SLC35F4: variants seen among roughly 807,000 people sequenced by gnomAD.
The protein encoded by SLC35F4 is solute carrier family 35 member F4.
A neutral mutation model predicts 44.2 loss-of-function variants in SLC35F4; 24 were observed. The observed-to-expected ratio is 0.54, with a 90% CI of 0.39 to 0.76. The LOEUF (loss-of-function observed/expected upper bound fraction) is 0.76. Among genes scored for constraint, SLC35F4 ranks in the 30% least tolerant of loss-of-function variants. The pLI is 0.00. For missense variants in SLC35F4, 562 were observed against 586.1 expected (o/e 0.96, Z 0.42); for synonymous variants, 238 against 223.6 (o/e 1.06, Z -0.57).
chr14:57,880,757 T>C (rs1248708983), intron 1 of SLC35F4, among the ~76,000 whole-genome samples: 1 of 152,190 alleles, frequency 6.6e-6, no homozygotes, highest in Non-Finnish European at 1.5e-5. Context: ...ATTACCTTGG[T>C]GTTTCTCTGT....
intron 1 of SLC35F4, among the ~76,000 whole-genome samples, chr14:57,962,943 A>T (rs1376289258): frequency 6.6e-6 from 1 of 152,036 alleles, no homozygotes; most frequent in Non-Finnish European, 1.5e-5. Flanking sequence ...TGAACAAAGC[A>T]GAGTCTTTTT....
intron 1 of SLC35F4, among the ~76,000 whole-genome samples, chr14:57,838,465 T>C (rs1885162007): frequency 1.3e-5 from 2 of 152,192 alleles, no homozygotes; most frequent in Non-Finnish European, 2.9e-5. Flanking sequence ...GTCAAAAAAA[T>C]ATATACAGTC....
intron 1 of SLC35F4, among the ~76,000 whole-genome samples, chr14:57,977,538 G>C (rs1028624450): frequency 2.0e-5 from 3 of 152,172 alleles, no homozygotes; most frequent in Non-Finnish European, 4.4e-5. Context: ...ATGGTCACCT[G>C]AGTGCAGCTG....
chr14:57,944,087 A>T (rs139393968), intron 1 of SLC35F4, among the ~76,000 whole-genome samples: 1 of 152,074 alleles, frequency 6.6e-6, no homozygotes, highest in African/African-American at 2.4e-5. Flanking sequence ...GCTCCACACC[A>T]ATTTCTGTCA....
At chr14:57,814,207 A>G (rs898076336) in intron 1 of SLC35F4, among the ~76,000 whole-genome samples, 2 of 152,340 alleles carry the variant, frequency 1.3e-5, no homozygotes, top group African/African-American at 4.8e-5. Flanking sequence ...CTTTTCACAT[A>G]GTAGGCCATC....
chr14:57,747,216 G>A (rs1189330744), intron 1 of SLC35F4, among the ~76,000 whole-genome samples: 4 of 152,132 alleles, frequency 2.6e-5, no homozygotes, highest in African/African-American at 4.8e-5. Context: ...AAAAAGACTC[G>A]AGTCATAAAG....
At chr14:57,954,649 C>G (rs975954174) in intron 1 of SLC35F4, among the ~76,000 whole-genome samples, 3 of 152,136 alleles carry the variant, frequency 2.0e-5, no homozygotes, top group African/African-American at 7.2e-5. Flanking sequence ...ATAAACACCT[C>G]CATGCAAATA....
chr14:57,837,486 G>A (rs954245078), intron 1 of SLC35F4: 2 of 152,174 alleles, frequency 1.3e-5, no homozygotes, highest in Non-Finnish European at 2.9e-5. Context: ...CTTTGACCAA[G>A]GGTAGACCTC....
intron 1 of SLC35F4, among the ~76,000 whole-genome samples, chr14:57,814,251 T>C (rs2140893777): frequency 6.6e-6 from 1 of 152,248 alleles, no homozygotes; most frequent in East Asian, 1.9e-4. Context: ...TAAACATATT[T>C]AATAAAGATT....
chr14:57,824,698 G>A (rs554687144), intron 1 of SLC35F4, among the ~76,000 whole-genome samples: 5 of 152,240 alleles, frequency 3.3e-5, no homozygotes, highest in African/African-American at 9.6e-5. Context: ...CTATTGCAAA[G>A]GTTCTGAACT....
chr14:57,596,621 A>C, intron 1 of SLC35F4: 2 of 484,292 alleles, frequency 4.1e-6, no homozygotes, highest in Non-Finnish European at 8.2e-6. Context: ...TCAAAAGGAG[A>C]AAGTCTAGAA....
chr14:57,818,639 T>C (rs1286166296), intron 1 of SLC35F4, among the ~76,000 whole-genome samples: 2 of 152,140 alleles, frequency 1.3e-5, no homozygotes, highest in Non-Finnish European at 2.9e-5. Flanking sequence ...GTCCAACAGG[T>C]ATTAAAAAAT....
chr14:57,576,852 G>C (rs1225223603), intron 4 of SLC35F4, among the ~76,000 whole-genome samples: 1 of 152,192 alleles, frequency 6.6e-6, no homozygotes, highest in Non-Finnish European at 1.5e-5. Context: ...CGAAGAAAGA[G>C]TGAAGGATAT....
intron 1 of SLC35F4, among the ~76,000 whole-genome samples, chr14:57,923,479 C>G (rs1889482955): frequency 6.6e-6 from 1 of 152,204 alleles, no homozygotes; most frequent in Non-Finnish European, 1.5e-5. Context: ...ATATCCCTAG[C>G]TCCTGGAAAT....
intron 1 of SLC35F4, among the ~76,000 whole-genome samples, chr14:57,879,298 C>T (rs1050753785): frequency 3.4e-4 from 51 of 152,040 alleles, no homozygotes; most frequent in African/African-American, 1.1e-3. Context: ...CTGCCTTTGT[C>T]GCTAAATACA....
At chr14:57,937,652 A>G (rs868053874) in intron 1 of SLC35F4, among the ~76,000 whole-genome samples, 21 of 130,492 alleles carry the variant, frequency 1.6e-4, no homozygotes, top group Non-Finnish European at 2.4e-4. Flanking sequence ...AAAGAAAAGA[A>G]AAAAGAAAAG....
chr14:57,824,582 G>GT (rs1414253241), intron 1 of SLC35F4, among the ~76,000 whole-genome samples: 1 of 152,124 alleles, frequency 6.6e-6, no homozygotes, highest in Admixed American at 6.5e-5. Context: ...TACAATTTTA[G>GT]TTTTTCTTTG....
At chr14:57,856,093 G>A (rs772752134) in intron 1 of SLC35F4, among the ~76,000 whole-genome samples, 21 of 151,836 alleles carry the variant, frequency 1.4e-4, no homozygotes, top group Admixed American at 2.6e-4. Context: ...TGTAACCTCC[G>A]CCTCCCAGGT....
intron 1 of SLC35F4, among the ~76,000 whole-genome samples, chr14:57,753,956 G>A (rs190542100): frequency 6.6e-6 from 1 of 152,034 alleles, no homozygotes; most frequent in Middle Eastern, 3.2e-3. Context: ...ACTGGCTCAT[G>A]GGCAGCTCCA....
Sources: gnomAD v4.1 joint callset for allele counts (sites outside exome capture counted in the v4.1 genomes callset) on GRCh38, gnomAD v4.1.1 for gene constraint, MANE v1.5 for transcripts, NCBI Gene and HGNC (gene_info 2026-07-23, HGNC 2026-07-21) for gene names.